Variants in ZNF704 observed in about 807,000 individuals in gnomAD.
ZNF704 encodes glucocorticoid induced gene 1.
In ZNF704, 10 loss-of-function variants were observed where a neutral mutation model predicts 44.7. That is an observed-to-expected ratio of 0.22 (90% CI 0.14 to 0.38). The LOEUF (loss-of-function observed/expected upper bound fraction) is 0.38. ZNF704 is among the 10% of genes least tolerant of loss of function. The pLI is 1.00. For synonymous variants in ZNF704, 211 were observed against 207.6 expected, an observed-to-expected ratio of 1.02 and a Z score of -0.14; for missense variants, 390 against 545.5, an observed-to-expected ratio of 0.71 and a Z score of 2.84.
intron 4 of ZNF704, among the ~76,000 whole-genome samples, chr8:80,677,722 A>C (rs761524146): frequency 1.9e-4 from 29 of 152,298 alleles, no homozygotes; most frequent in Admixed American, 1.2e-3. Context: ...CCAGTGCCTC[A>C]CAGTGTCTGG....
In ZNF704 at chr8:80,780,431, C is replaced by T. The variant is rs763242843; in HGVS notation, c.221+40943G>A. Among the ~76,000 whole-genome samples the T allele has an allele frequency of 4.6e-5, 7 of 152,112 alleles. No individual in the cohort carries two copies. The South Asian group carries it at 6.2e-4, about 14-fold the overall frequency. The stretch of plus-strand genomic sequence containing the variant: ...GGCTGTTGGGGGAAGAGGAGAACAG[C>T]GGCATGTGTATTGAGTTGGATGGTG... On this transcript the variant is annotated intron_variant, in intron 2 of 8. Coordinates refer to ENST00000327835, the MANE Select transcript of ZNF704 (RefSeq NM_001033723.3).
chr8:80,793,081 G>A (rs1807739185), intron 2 of ZNF704, among the ~76,000 whole-genome samples: 1 of 152,210 alleles, frequency 6.6e-6, no homozygotes, highest in Non-Finnish European at 1.5e-5. Context: ...TAGAATATTT[G>A]CTGACTAAAA....
chr8:80,843,254 C>T (rs768804147), intron 1 of ZNF704, among the ~76,000 whole-genome samples: 4 of 152,234 alleles, frequency 2.6e-5, no homozygotes, highest in Non-Finnish European at 4.4e-5. Flanking sequence ...TTACAGACTT[C>T]TTACACTTAT....
intron 2 of ZNF704, among the ~76,000 whole-genome samples, chr8:80,766,923 G>A (rs1764185327): frequency 6.6e-6 from 1 of 152,094 alleles, no homozygotes; most frequent in Admixed American, 6.5e-5. Flanking sequence ...ACACTGGCCA[G>A]GCTCGTCTTG....
chr8:80,793,296 T>C (rs867203882), intron 2 of ZNF704, among the ~76,000 whole-genome samples: 1 of 152,168 alleles, frequency 6.6e-6, no homozygotes, highest in Non-Finnish European at 1.5e-5. Context: ...ATACATGTTA[T>C]CTGGAGAACA....
chr8:80,823,546 CCTGT>C (rs1808315946), intron 1 of ZNF704, among the ~76,000 whole-genome samples: 1 of 152,224 alleles, frequency 6.6e-6, no homozygotes, highest in African/African-American at 2.4e-5. Flanking sequence ...CTTACACGTC[CCTGT>C]CTGACAGCTT....
chr8:80,811,255 A>G (rs1200209978), intron 2 of ZNF704, among the ~76,000 whole-genome samples: 2 of 152,220 alleles, frequency 1.3e-5, no homozygotes, highest in Non-Finnish European at 2.9e-5. Flanking sequence ...GACTTTTTAT[A>G]TTGACATATG....
At chr8:80,823,389 G>T (rs1268671117) in intron 1 of ZNF704, among the ~76,000 whole-genome samples, 1 of 152,218 alleles carries the variant, frequency 6.6e-6, no homozygotes. Context: ...ATCAGCCACT[G>T]CTGAGGCTTG....
At chr8:80,807,157 A>G (rs916032940) in intron 2 of ZNF704, among the ~76,000 whole-genome samples, 2 of 152,220 alleles carry the variant, frequency 1.3e-5, no homozygotes, top group African/African-American at 4.8e-5. Context: ...TGGCAATAGA[A>G]GGAGTGACTC....
chr8:80,869,443 T>C (rs563184567), intron 1 of ZNF704, among the ~76,000 whole-genome samples: 1 of 152,272 alleles, frequency 6.6e-6, no homozygotes, highest in South Asian at 2.1e-4. Flanking sequence ...ACAGAAGCCA[T>C]CAGAAAACTA....
intron 1 of ZNF704, among the ~76,000 whole-genome samples, chr8:80,824,445 G>T (rs1418497344): frequency 1.3e-5 from 2 of 152,214 alleles, no homozygotes; most frequent in Non-Finnish European, 2.9e-5. Flanking sequence ...CCAAATCTAT[G>T]TCTGACTGGT....
At chr8:80,677,507 G>C (rs1818387609) in intron 4 of ZNF704, among the ~76,000 whole-genome samples, 1 of 152,124 alleles carries the variant, frequency 6.6e-6, no homozygotes, top group Admixed American at 6.5e-5. Context: ...CTTGGAATTA[G>C]GATAACTACC....
intron 2 of ZNF704, among the ~76,000 whole-genome samples, chr8:80,726,042 C>T (rs566317479): frequency 4.6e-5 from 7 of 151,748 alleles, no homozygotes; most frequent in African/African-American, 1.4e-4. Context: ...GTTTATATAC[C>T]GTGTTGATTT....
At chr8:80,778,010 A>G (rs1472927974) in intron 2 of ZNF704, among the ~76,000 whole-genome samples, 1 of 152,170 alleles carries the variant, frequency 6.6e-6, no homozygotes, top group Non-Finnish European at 1.5e-5. Context: ...ATTCAATACT[A>G]TTACCCAATA....
intron 2 of ZNF704, among the ~76,000 whole-genome samples, chr8:80,811,154 G>A (rs1025513489): frequency 6.6e-6 from 1 of 152,136 alleles, no homozygotes; most frequent in African/African-American, 2.4e-5. Flanking sequence ...CTTGAAATGT[G>A]CCTTGTCCAA....
At chr8:80,810,085 T>C (rs941028791) in intron 2 of ZNF704, among the ~76,000 whole-genome samples, 1 of 152,242 alleles carries the variant, frequency 6.6e-6, no homozygotes, top group Non-Finnish European at 1.5e-5. Flanking sequence ...TTCAGATTTC[T>C]ACATCTGCCT....
At chr8:80,852,645 G>T (rs898623398) in intron 1 of ZNF704, among the ~76,000 whole-genome samples, 1 of 152,086 alleles carries the variant, frequency 6.6e-6, no homozygotes, top group East Asian at 1.9e-4. Flanking sequence ...ACAGTTTCAC[G>T]CTTGCTGCTC....
chr8:80,656,357 G>A (rs999441998), intron 7 of ZNF704, among the ~76,000 whole-genome samples: 3 of 152,172 alleles, frequency 2.0e-5, no homozygotes, highest in African/African-American at 4.8e-5. Flanking sequence ...CAAGTCTGTG[G>A]TATTTTATGG....
At chr8:80,701,740 A>AT (rs1301295734) in intron 2 of ZNF704, among the ~76,000 whole-genome samples, 1 of 152,228 alleles carries the variant, frequency 6.6e-6, no homozygotes, top group African/African-American at 2.4e-5. Context: ...AGTGATGTAG[A>AT]GAGATCAAGC....
Sources: gnomAD v4.1 joint callset for allele counts (sites outside exome capture counted in the v4.1 genomes callset) on GRCh38, gnomAD v4.1.1 for gene constraint, MANE v1.5 for transcripts, NCBI Gene and HGNC (gene_info 2026-07-23, HGNC 2026-07-21) for gene names.